The following DCC variants were observed in gnomAD, a reference collection of about 807,000 sequenced individuals.
DCC encodes the protein DCC netrin 1 receptor.
DCC carries 58 observed loss-of-function variants against 172.5 expected under a neutral mutation model. The observed-to-expected ratio is 0.34, with a 90% CI of 0.27 to 0.42. The LOEUF (loss-of-function observed/expected upper bound fraction) is 0.42. Ranked by LOEUF, DCC falls within the 10% of genes least tolerant of loss-of-function variation. The pLI, the probability that DCC is intolerant of heterozygous loss-of-function variation, is 1.00. For synonymous variants in DCC, 709 were observed against 644.5 expected, an observed-to-expected ratio of 1.10 and a Z score of -1.52; for missense variants, 1,740 against 1,791.0, an observed-to-expected ratio of 0.97 and a Z score of 0.51.
At chr18:52,502,662 T>C (rs2031072930) in intron 1 of DCC, among the ~76,000 whole-genome samples, 1 of 151,960 alleles carries the variant, frequency 6.6e-6, no homozygotes, top group South Asian at 2.1e-4. Flanking sequence ...CATTGCTGGT[T>C]CCAATTTGGA....
chr18:52,357,924 C>A (rs1012239921), intron 1 of DCC, among the ~76,000 whole-genome samples: 2 of 132,036 alleles, frequency 1.5e-5, no homozygotes, highest in African/African-American at 5.9e-5. Flanking sequence ...GGCGACAGAG[C>A]GAGACTCTGT....
At chr18:52,417,107 T>G (rs1252102135) in intron 1 of DCC, among the ~76,000 whole-genome samples, 1 of 152,264 alleles carries the variant, frequency 6.6e-6, no homozygotes, top group Admixed American at 6.5e-5. Flanking sequence ...ATCTGTAAAG[T>G]ATTTTATTTC....
intron 2 of DCC, 77 bp downstream of exon 2, chr18:52,752,451 T>C: frequency 8.8e-7 from 1 of 1,134,374 alleles, no homozygotes; most frequent in Non-Finnish European, 1.3e-6. Context: ...GAGAAAATAA[T>C]TTTTGTAGAA....
At chr18:52,705,393 A>T (rs968979650) in intron 1 of DCC, among the ~76,000 whole-genome samples, 1 of 152,194 alleles carries the variant, frequency 6.6e-6, no homozygotes, top group Non-Finnish European at 1.5e-5. Context: ...TCGGAAGTCT[A>T]TGTTTGAAAG....
intron 7 of DCC, among the ~76,000 whole-genome samples, chr18:53,115,069 T>TA (rs1414250205): frequency 2.0e-5 from 3 of 151,510 alleles, no homozygotes; most frequent in Admixed American, 6.6e-5. Context: ...TTTTTCTCCT[T>TA]AAAAAAATAC....
chr18:53,183,872 T>C (rs1244974917), intron 9 of DCC, among the ~76,000 whole-genome samples: 1 of 151,976 alleles, frequency 6.6e-6, no homozygotes, highest in Non-Finnish European at 1.5e-5. Flanking sequence ...TAGAGCAAGT[T>C]TGTCAATCAT....
chr18:53,450,690 A>G lies in DCC; in HGVS notation c.3392+28A>G, dbSNP rs769417984. 1.9e-6 allele frequency: 3 copies of G among 1,582,300 alleles called. No homozygotes were observed. The South Asian group carries it at 3.3e-5, about 17-fold the overall frequency. On this transcript the variant is annotated intron_variant, in intron 23 of 28. Coordinates refer to ENST00000442544, the MANE Select transcript of DCC (RefSeq NM_005215.4). ...AGGTAACAGCTGGTTCCCAAGAGGA[A>G]AGAAGTCATTGTCTTTTGGGGTTAT...
At chr18:52,568,601 T>G (rs2033219202) in intron 1 of DCC, among the ~76,000 whole-genome samples, 1 of 151,506 alleles carries the variant, frequency 6.6e-6, no homozygotes. Flanking sequence ...CTAATAAATA[T>G]TATTTTTTTT....
At chr18:53,205,854 CCTT>C (rs1478936127) in intron 10 of DCC, among the ~76,000 whole-genome samples, 2 of 151,982 alleles carry the variant, frequency 1.3e-5, no homozygotes, top group African/African-American at 4.8e-5. Flanking sequence ...AGCCTAGTCT[CCTT>C]CTCCTTACAT....
chr18:52,441,527 T>C (rs181314021), intron 1 of DCC, among the ~76,000 whole-genome samples: 1 of 152,310 alleles, frequency 6.6e-6, no homozygotes, highest in African/African-American at 2.4e-5. Flanking sequence ...ACAATTATTT[T>C]CCTTGGAACA....
chr18:53,408,374 CT>C (rs1909792298), intron 19 of DCC, among the ~76,000 whole-genome samples: 1 of 152,154 alleles, frequency 6.6e-6, no homozygotes, highest in Non-Finnish European at 1.5e-5. Context: ...GAAATAGTTG[CT>C]TTTAAGCTTA....
At chr18:52,924,397 T>A (rs777295772) in intron 4 of DCC, among the ~76,000 whole-genome samples, 5 of 152,126 alleles carry the variant, frequency 3.3e-5, no homozygotes, top group Non-Finnish European at 7.4e-5. Flanking sequence ...ATGTAGCATG[T>A]CATTATAGAG....
At chr18:52,470,229 G>C (rs1988908259) in intron 1 of DCC, among the ~76,000 whole-genome samples, 1 of 152,166 alleles carries the variant, frequency 6.6e-6, no homozygotes, top group Non-Finnish European at 1.5e-5. Flanking sequence ...TCCTCCCACT[G>C]CTCCCTGGCT....
At position 52,642,864 on chromosome 18, in the gene DCC, A is replaced by G. The variant is rs11877626; in HGVS notation, c.92-109190A>G. On this transcript the variant is annotated intron_variant, in intron 1 of 28. Coordinates refer to ENST00000442544, the MANE Select transcript of DCC (RefSeq NM_005215.4). ...TATTTTGTAGAGATGAGGTCTTGCT[A>G]TGTTACCCAGTCTGGTCTTGAACTC... Among the ~76,000 whole-genome samples, 1,418 of 152,156 alleles carry G rather than the reference A, an allele frequency of 9.3e-3. 21 individuals carry two copies. Among genetic ancestry groups the G allele is most frequent in the African/African-American group, 0.032 (1,340 of 41,516 alleles).
chr18:52,886,257 A>G (rs1460723267), intron 2 of DCC, among the ~76,000 whole-genome samples: 2 of 152,042 alleles, frequency 1.3e-5, no homozygotes, highest in Non-Finnish European at 2.9e-5. Context: ...TGTGTCCTAC[A>G]GTGCCTTTTG....
At chr18:53,274,010 C>A (rs376887654) in intron 12 of DCC, among the ~76,000 whole-genome samples, 3 of 152,044 alleles carry the variant, frequency 2.0e-5, no homozygotes, top group Non-Finnish European at 2.9e-5. Flanking sequence ...AGAGAAGCAT[C>A]ATTGACAAGC....
chr18:52,531,883 C>T (rs2032161318), intron 1 of DCC, among the ~76,000 whole-genome samples: 1 of 152,112 alleles, frequency 6.6e-6, no homozygotes, highest in Non-Finnish European at 1.5e-5. Context: ...CAAGCATATT[C>T]TTGATCTTAA....
intron 2 of DCC, among the ~76,000 whole-genome samples, chr18:52,808,356 A>G (rs528157360): frequency 3.3e-5 from 5 of 150,946 alleles, no homozygotes; most frequent in Admixed American, 1.3e-4. Flanking sequence ...GTGACATACC[A>G]GTAGACAGCC....
intron 1 of DCC, among the ~76,000 whole-genome samples, chr18:52,543,733 C>A (rs757319372): frequency 6.6e-6 from 1 of 152,096 alleles, no homozygotes; most frequent in Non-Finnish European, 1.5e-5. Flanking sequence ...CAAAAAGGTG[C>A]CCCTGACCCT....
Sources: gnomAD v4.1 joint callset for allele counts (sites outside exome capture counted in the v4.1 genomes callset) on GRCh38, gnomAD v4.1.1 for gene constraint, MANE v1.5 for transcripts, NCBI Gene and HGNC (gene_info 2026-07-23, HGNC 2026-07-21) for gene names.